The following CPA6 variants were observed in gnomAD, a reference collection of about 807,000 sequenced individuals.
CPA6 encodes the protein carboxypeptidase B.
Under a neutral mutation model 63.3 loss-of-function variants are expected in CPA6, and 58 were observed. That is an observed-to-expected ratio of 0.92 (90% CI 0.74 to 1.14). CPA6 has a LOEUF of 1.14. CPA6 is among the 50% of genes most tolerant of loss of function. The pLI, the probability that CPA6 is intolerant of heterozygous loss-of-function variation, is 0.00. For synonymous variants in CPA6, 185 were observed against 179.0 expected, an observed-to-expected ratio of 1.03 and a Z score of -0.27; for missense variants, 565 against 526.6, an observed-to-expected ratio of 1.07 and a Z score of -0.71.
At chr8:67,719,532 G>T (rs560502614) in intron 1 of CPA6, among the ~76,000 whole-genome samples, 1 of 152,278 alleles carries the variant, frequency 6.6e-6, no homozygotes, top group African/African-American at 2.4e-5. Context: ...TTCTTGAGTT[G>T]CCCTGGTCCA....
chr8:67,482,613 C>G (rs1811383313), intron 8 of CPA6, among the ~76,000 whole-genome samples: 1 of 152,098 alleles, frequency 6.6e-6, no homozygotes, highest in South Asian at 2.1e-4. Context: ...ACTGACTGTT[C>G]TGGGGGTCAG....
intron 1 of CPA6, among the ~76,000 whole-genome samples, chr8:67,666,623 G>A (rs954174449): frequency 1.3e-5 from 2 of 152,164 alleles, no homozygotes; most frequent in African/African-American, 2.4e-5. Context: ...AGGATTCTCA[G>A]GAAAGCTCCA....
intron 8 of CPA6, among the ~76,000 whole-genome samples, chr8:67,454,311 A>G (rs182589525): frequency 2.6e-4 from 39 of 152,312 alleles, no homozygotes; most frequent in Admixed American, 8.5e-4. Context: ...TTGAATACCA[A>G]ATCCCTTCTG....
At chr8:67,706,045 G>C (rs1817127540) in intron 1 of CPA6, among the ~76,000 whole-genome samples, 2 of 152,298 alleles carry the variant, frequency 1.3e-5, no homozygotes, top group South Asian at 2.1e-4. Flanking sequence ...TGTTTACAAA[G>C]AGGAATGCTT....
intron 2 of CPA6, among the ~76,000 whole-genome samples, chr8:67,555,705 A>C (rs1813044930): frequency 6.6e-6 from 1 of 152,122 alleles, no homozygotes; most frequent in Non-Finnish European, 1.5e-5. Context: ...GTGGGGCAGA[A>C]TTGCAGGACT....
At chr8:67,475,887 T>TCC (rs1811209915) in intron 8 of CPA6, among the ~76,000 whole-genome samples, 1 of 54,038 alleles carries the variant, frequency 1.9e-5, no homozygotes, top group Non-Finnish European at 3.6e-5. Flanking sequence ...TTCTCCTTTC[T>TCC]TTCTTTCTTT....
At chr8:67,539,561 A>T (rs572441025) in intron 2 of CPA6, among the ~76,000 whole-genome samples, 14 of 152,294 alleles carry the variant, frequency 9.2e-5, no homozygotes, top group African/African-American at 2.9e-4. Flanking sequence ...AGGTTGGGGA[A>T]GTTCTCCTGG....
intron 2 of CPA6, among the ~76,000 whole-genome samples, chr8:67,571,091 TACAA>T (rs1363019868): frequency 3.3e-5 from 5 of 152,192 alleles, no homozygotes; most frequent in Non-Finnish European, 4.4e-5. Flanking sequence ...TAGAAAATTA[TACAA>T]ACAGAGAAAG....
chr8:67,506,366 C>G (rs889284931), intron 6 of CPA6, among the ~76,000 whole-genome samples: 2 of 152,164 alleles, frequency 1.3e-5, no homozygotes, highest in Admixed American at 1.3e-4. Context: ...TTGTTCATCT[C>G]TTTATTGTTA....
chr8:67,449,129 G>A (rs1433470619), intron 8 of CPA6, among the ~76,000 whole-genome samples: 1 of 152,086 alleles, frequency 6.6e-6, no homozygotes. Context: ...GTGCATGCTT[G>A]TAATACCAGC....
intron 1 of CPA6, among the ~76,000 whole-genome samples, chr8:67,697,205 A>G (rs1413041282): frequency 3.9e-5 from 6 of 152,318 alleles, no homozygotes; most frequent in Non-Finnish European, 8.8e-5. Context: ...GGGCAGTGGC[A>G]GCTCCCAGGG....
At chr8:67,534,326 C>T (rs968214198) in intron 2 of CPA6, among the ~76,000 whole-genome samples, 1 of 152,104 alleles carries the variant, frequency 6.6e-6, no homozygotes, top group Non-Finnish European at 1.5e-5. Context: ...GCTTTTAGCT[C>T]TTGGTGGGAG....
intron 2 of CPA6, among the ~76,000 whole-genome samples, chr8:67,602,747 G>A (rs1814528547): frequency 1.3e-5 from 2 of 152,180 alleles, no homozygotes; most frequent in Non-Finnish European, 2.9e-5. Flanking sequence ...GCCTCGACCG[G>A]ATGTCAGGAA....
chr8:67,723,748 A>G (rs1483562152), intron 1 of CPA6, among the ~76,000 whole-genome samples: 1 of 152,222 alleles, frequency 6.6e-6, no homozygotes, highest in Non-Finnish European at 1.5e-5. Flanking sequence ...TATACTGTGT[A>G]CAAAAAAATA....
chr8:67,439,131 C>A (rs1226677419), intron 8 of CPA6, among the ~76,000 whole-genome samples: 1 of 151,736 alleles, frequency 6.6e-6, no homozygotes, highest in African/African-American at 2.4e-5. Flanking sequence ...CCCATCTCTA[C>A]AAAAATTTAA....
At chr8:67,521,413 T>C (rs1041635031) in intron 2 of CPA6, among the ~76,000 whole-genome samples, 3 of 152,366 alleles carry the variant, frequency 2.0e-5, no homozygotes, top group Middle Eastern at 3.4e-3. Context: ...AGTATCCTCA[T>C]GTGTACTGTG....
chr8:67,689,884 T>C (rs918761126), intron 1 of CPA6, among the ~76,000 whole-genome samples: 6 of 152,214 alleles, frequency 3.9e-5, no homozygotes, highest in Non-Finnish European at 7.3e-5. Context: ...TAATTTATAT[T>C]CCCACCAACA....
intron 1 of CPA6, among the ~76,000 whole-genome samples, chr8:67,699,930 T>G (rs1816989809): frequency 6.6e-6 from 1 of 152,172 alleles, no homozygotes; most frequent in Non-Finnish European, 1.5e-5. Context: ...TTTCAGAAAT[T>G]AGAGAATCCT....
chr8:67,519,437 GT>G (rs200280805), intron 2 of CPA6, among the ~76,000 whole-genome samples: 1,953 of 152,302 alleles, frequency 0.013, 52 homozygotes, highest in African/African-American at 0.044. Context: ...ATCTGATAAG[GT>G]TTAGTAACTT....
Sources: gnomAD v4.1 joint callset for allele counts (sites outside exome capture counted in the v4.1 genomes callset) on GRCh38, gnomAD v4.1.1 for gene constraint, MANE v1.5 for transcripts, NCBI Gene and HGNC (gene_info 2026-07-23, HGNC 2026-07-21) for gene names.